The following CROCC2 variants were observed in gnomAD, a reference collection of about 807,000 sequenced individuals.
CROCC2 encodes ciliary rootlet coiled-coil protein 2.
In CROCC2, 163 loss-of-function variants were observed where a neutral mutation model predicts 177.6. The ratio of observed to expected loss-of-function variants is 0.92; its 90% CI spans 0.81 to 1.05. CROCC2 has a LOEUF of 1.05. Ranked by LOEUF, CROCC2 falls within the 50% of genes least tolerant of loss-of-function variation. The pLI is 0.00. For missense variants in CROCC2, 1,929 were observed against 1,797.8 expected (o/e 1.07, Z -1.32); for synonymous variants, 904 against 787.3 (o/e 1.15, Z -2.48).
At chr2:240,991,834 G>C (rs2059881743) in intron 31 of CROCC2, among the ~76,000 whole-genome samples, 1 of 152,218 alleles carries the variant, frequency 6.6e-6, no homozygotes, top group South Asian at 2.1e-4. Context: ...AAACACGTGG[G>C]AAACATTTCC....
At chr2:240,907,667 G>T (rs912735104) in intron 1 of CROCC2, among the ~76,000 whole-genome samples, 2 of 152,170 alleles carry the variant, frequency 1.3e-5, no homozygotes, top group Non-Finnish European at 2.9e-5. Context: ...TGAATCAGGC[G>T]ATGCAACAAG....
intron 31 of CROCC2, among the ~76,000 whole-genome samples, chr2:240,992,176 G>A (rs952101471): frequency 5.9e-5 from 9 of 152,330 alleles, no homozygotes; most frequent in African/African-American, 9.6e-5. Context: ...CTCCATCACC[G>A]TTGCTCAGAG....
chr2:240,942,071 C>A (rs773010558), intron 14 of CROCC2, among the ~76,000 whole-genome samples: 1 of 152,226 alleles, frequency 6.6e-6, no homozygotes, highest in Non-Finnish European at 1.5e-5. Context: ...TGATTTTGGA[C>A]TTCCCAGTCT....
intron 14 of CROCC2, 57 bp from the exon 15 acceptor site, chr2:240,946,003 C>T: frequency 7.3e-7 from 1 of 1,364,606 alleles, no homozygotes; most frequent in South Asian, 1.6e-5. Context: ...GAGGCCCATG[C>T]TCACCCACCC....
chr2:240,967,908 G>A (rs1229904824), intron 26 of CROCC2, among the ~76,000 whole-genome samples: 4 of 151,770 alleles, frequency 2.6e-5, no homozygotes, highest in South Asian at 2.1e-4. Flanking sequence ...TCACACTCAC[G>A]AGTTTCTCTG....
Position 240,918,758 on chromosome 2 carries a change from C to T in CROCC2, c.111C>T (p.Ala37=). Residue 37 remains alanine (A), a synonymous_variant, in exon 2 of 32, where the codon GCC becomes GCT. Transcript: ENST00000690015. This position sits in a 1 kb window ranked among gnomAD's most constrained non-coding sequence, Gnocchi z 6.3. ...RLEDTILSPT[A]SREDRALTVR... The stretch of plus-strand genomic sequence containing the variant: ...AGGACACCATCCTGAGTCCCACAGC[C>T]AGCAGGGAAGACCGGGCGCTGACCG... The T allele has an allele frequency of 1.7e-6, 1 of 581,904 alleles. No homozygotes were observed. Among genetic ancestry groups the T allele is most frequent in the Non-Finnish European group, 3.1e-6 (1 of 320,706 alleles). 36.0% of individuals were successfully genotyped at this position (581,904 alleles called of 1,614,324 possible).
At chr2:240,988,688 C>G in intron 28 of CROCC2, 51 bp from the exon 29 acceptor site, 1 of 1,332,790 alleles carries the variant, frequency 7.5e-7, no homozygotes, top group Non-Finnish European at 9.7e-7. Flanking sequence ...GCTGGCCTGA[C>G]CTCACTCCCT....
At chr2:240,933,995 C>G in intron 11 of CROCC2, 143 bp downstream of exon 11, 2 of 926,866 alleles carry the variant, frequency 2.2e-6, no homozygotes, top group South Asian at 3.4e-5. Flanking sequence ...AGGGCAGGGG[C>G]GGGGGCTCTC....
intron 19 of CROCC2, among the ~76,000 whole-genome samples, chr2:240,956,206 C>T (rs2059589059): frequency 1.3e-5 from 2 of 152,242 alleles, no homozygotes; most frequent in South Asian, 4.1e-4. Context: ...CTCAGTTCTC[C>T]CTTAGCTTTG....
intron 28 of CROCC2, chr2:240,983,475 C>T (rs1272769453): frequency 2.4e-6 from 3 of 1,242,718 alleles, no homozygotes; most frequent in South Asian, 2.6e-5. Flanking sequence ...GCGGCCGAGG[C>T]GCAGGCGGAG....
intron 28 of CROCC2, 152 bp downstream of exon 28, chr2:240,983,181 G>T: frequency 1.1e-6 from 1 of 896,982 alleles, no homozygotes; most frequent in Admixed American, 2.7e-5. Flanking sequence ...GGCCTGCAGA[G>T]ACCCAGGCAC....
chr2:240,925,073 T>C lies in CROCC2; in HGVS notation c.489-651T>C, dbSNP rs541866576. 7.2e-4 allele frequency among the ~76,000 whole-genome samples: 106 copies of C among 147,644 alleles called. 1 individual carries two copies. The highest frequency in any genetic ancestry group is 2.6e-3 in the African/African-American group (103 of 39,496). ...CCAAGGCCCACCAGTCTCCCAGACC[T>C]GGGGAGGTTAAGTTGTCTATAGAAT... is the stretch of plus-strand genomic sequence containing the variant. On this transcript the variant is annotated intron_variant, in intron 4 of 31. Transcript: ENST00000690015.
intron 28 of CROCC2, among the ~76,000 whole-genome samples, chr2:240,984,432 C>G (rs2059821828): frequency 6.6e-6 from 1 of 151,868 alleles, no homozygotes; most frequent in Non-Finnish European, 1.5e-5. Context: ...AGCCTGCACC[C>G]CAGCCGTCAC....
chr2:240,928,819 G>A lies in CROCC2; in HGVS notation c.646-1347G>A, dbSNP rs143941994. Reference sequence around the variant, plus strand: ...AACGGGCTCAGAGGAGCATGCCCTCGGAGGGTGTACAGACAGGTGTAATGC... The same window carrying A: ...AACGGGCTCAGAGGAGCATGCCCTCAGAGGGTGTACAGACAGGTGTAATGC... On this transcript the variant is annotated intron_variant, in intron 5 of 31. Transcript: ENST00000690015. Among the ~76,000 whole-genome samples the A allele has an allele frequency of 1.7e-4, 26 of 151,444 alleles. No individual in the cohort carries two copies. In the East Asian group the frequency reaches 2.4e-3, roughly 14 times the overall value.
Position 240,966,222 on chromosome 2 carries a change from C to A in CROCC2, c.3962-3C>A. 1.1e-6 allele frequency: 1 copy of A among 889,086 alleles called. No homozygotes were observed. The highest frequency in any genetic ancestry group is 1.5e-6 in the Non-Finnish European group (1 of 672,122). The allele number at this position is 889,086 out of a possible 1,614,324, so 55.1% of individuals were successfully genotyped here. On this transcript the variant is annotated splice_polypyrimidine_tract_variant and splice_region_variant and intron_variant, in intron 24 of 31. Transcript: ENST00000690015. The stretch of plus-strand genomic sequence containing the variant: ...ACGACCCCTCCGCTGTCACCTCCCG[C>A]AGGCTCCGACAGCTCCCAGGCTCTC...
intron 5 of CROCC2, among the ~76,000 whole-genome samples, chr2:240,927,932 T>C (rs376187331): frequency 2.4e-4 from 36 of 152,394 alleles, no homozygotes; most frequent in Middle Eastern, 3.4e-3. Flanking sequence ...ATTACAGGCA[T>C]GAGCCACCTC....
intron 27 of CROCC2, among the ~76,000 whole-genome samples, chr2:240,979,645 G>A (rs1214446514): frequency 2.1e-3 from 103 of 50,000 alleles, no homozygotes; most frequent in Admixed American, 2.8e-3. Flanking sequence ...AGGAGCCCAG[G>A]CTCATCCCTG....
intron 27 of CROCC2, among the ~76,000 whole-genome samples, chr2:240,976,223 A>C (rs866605375): frequency 2.3e-5 from 3 of 128,066 alleles, no homozygotes; most frequent in African/African-American, 6.0e-5. Context: ...TCTGGAGCCC[A>C]GGCTCATCCC....
In CROCC2 at chr2:240,930,114, G is replaced by A. The variant is rs2059417925; in HGVS notation, c.646-52G>A. ...GCACTTGGAAAAGAGTGGGCTTCAGGGAGGGTAAAGGGGCCCCAGCCTGAA... is the reference window on the plus strand; with the variant it reads ...GCACTTGGAAAAGAGTGGGCTTCAGAGAGGGTAAAGGGGCCCCAGCCTGAA... On this transcript the variant is annotated intron_variant, in intron 5 of 31. Coordinates refer to ENST00000690015, the MANE Select transcript of CROCC2 (RefSeq NM_001351305.2). 5.7e-6 allele frequency: 3 copies of A among 528,342 alleles called. No homozygotes were observed. In the Admixed American group the frequency reaches 1.0e-4, roughly 18 times the overall value. 32.7% of individuals were successfully genotyped at this position (528,342 alleles called of 1,614,324 possible). A position where few individuals can be genotyped will look rare whatever the true frequency, so the allele number is the denominator to read the frequency against.
Sources: gnomAD v4.1 joint callset for allele counts (sites outside exome capture counted in the v4.1 genomes callset) on GRCh38, gnomAD v4.1.1 for gene constraint, Gnocchi (gnomAD v3.1) non-coding constraint, MANE v1.5 for transcripts, NCBI Gene and HGNC (gene_info 2026-07-23, HGNC 2026-07-21) for gene names.